The following CDC73 variants were observed in gnomAD, a reference collection of about 807,000 sequenced individuals.
The protein encoded by CDC73 is parafibromin.
In CDC73, 21 loss-of-function variants were observed where a neutral mutation model predicts 83.7. That is an observed-to-expected ratio of 0.25 (90% CI 0.18 to 0.36). The LOEUF (loss-of-function observed/expected upper bound fraction) is 0.36. Among genes scored for constraint, CDC73 ranks in the 10% least tolerant of loss-of-function variants. The probability of loss-of-function intolerance (pLI) is 1.00; values close to 1 mark genes in which losing one functional copy is unlikely to be tolerated. For synonymous variants in CDC73, 224 were observed against 212.9 expected (o/e 1.05, Z -0.45); for missense variants, 342 against 653.3 (o/e 0.52, Z 5.19).
chr1:193,127,592 T>C (rs1675601424), intron 2 of CDC73, among the ~76,000 whole-genome samples: 2 of 152,138 alleles, frequency 1.3e-5, no homozygotes, highest in Non-Finnish European at 2.9e-5. Context: ...GATAGTTGGC[T>C]TAGATTTATA....
chr1:193,179,308 G>A (rs1450358385), intron 10 of CDC73: 11 of 152,184 alleles, frequency 7.2e-5, no homozygotes, highest in Non-Finnish European at 1.0e-4. Flanking sequence ...TAAACTTCCC[G>A]TATGTTGCAT....
chr1:193,132,934 T>G (rs1272914202), intron 3 of CDC73, among the ~76,000 whole-genome samples: 36 of 146,272 alleles, frequency 2.5e-4, no homozygotes, highest in African/African-American at 9.1e-4. Flanking sequence ...GGAATCTTGC[T>G]CTGTCGCCCC....
chr1:193,205,545 A>G (rs1295499378), intron 11 of CDC73, among the ~76,000 whole-genome samples: 2 of 151,798 alleles, frequency 1.3e-5, no homozygotes, highest in African/African-American at 2.4e-5. Flanking sequence ...TTTGTTTGAC[A>G]GTAGGTTTGT....
intron 7 of CDC73, among the ~76,000 whole-genome samples, chr1:193,147,159 A>AT (rs1259651591): frequency 1.3e-5 from 2 of 151,642 alleles, no homozygotes; most frequent in African/African-American, 4.9e-5. Flanking sequence ...CGCCCAGCTA[A>AT]TTTTTTGTAG....
rs371241173 is a variant in CDC73 at position 193,173,266 on chromosome 1, C to G, written c.972+20822C>G. Among the ~76,000 whole-genome samples, 16 of 152,250 alleles carry G rather than the reference C, an allele frequency of 1.1e-4. No homozygotes were observed. In the East Asian group the frequency reaches 3.1e-3, roughly 29 times the overall value. ...TTAATTACTTAATTATAAAACATTT[C>G]TAACGTAAATATAATGAGAGAAAAT... is the stretch of plus-strand genomic sequence containing the variant. On this transcript the variant is annotated intron_variant, in intron 10 of 16. Transcript: ENST00000367435.
At chr1:193,235,780 C>T (rs1572217390) in intron 14 of CDC73, among the ~76,000 whole-genome samples, 1 of 152,070 alleles carries the variant, frequency 6.6e-6, no homozygotes. Context: ...TCAGATAAGG[C>T]CCTGGGACCT....
intron 14 of CDC73, among the ~76,000 whole-genome samples, chr1:193,235,309 C>G (rs940015014): frequency 6.6e-6 from 1 of 152,120 alleles, no homozygotes; most frequent in African/African-American, 2.4e-5. Context: ...CCAACATGCC[C>G]ATGCACTTGT....
At chr1:193,234,165 TCTCTCTCTCTCACACACACACACA>T (rs1268905275) in intron 14 of CDC73, among the ~76,000 whole-genome samples, 1 of 86,738 alleles carries the variant, frequency 1.2e-5, no homozygotes, top group Non-Finnish European at 2.3e-5. Flanking sequence ...TCTCTCTCTC[TCTCTCTCTCTCACACACACACACA>T]CACACACACA....
chr1:193,246,642 C>G (rs1001856789), intron 15 of CDC73, among the ~76,000 whole-genome samples: 1 of 152,036 alleles, frequency 6.6e-6, no homozygotes, highest in South Asian at 2.1e-4. Flanking sequence ...TCATTTCTTA[C>G]CAAATTTTGT....
At chr1:193,159,125 C>CT (rs1558291953) in intron 10 of CDC73, among the ~76,000 whole-genome samples, 1 of 151,928 alleles carries the variant, frequency 6.6e-6, no homozygotes, top group South Asian at 2.1e-4. Flanking sequence ...TTTTTTCCAA[C>CT]TTTTTTTGAC....
At chr1:193,188,682 A>G (rs967963894) in intron 10 of CDC73, among the ~76,000 whole-genome samples, 1 of 151,826 alleles carries the variant, frequency 6.6e-6, no homozygotes, top group African/African-American at 2.4e-5. Flanking sequence ...AGTTCTTTTG[A>G]TTGGATTTTT....
chr1:193,157,600 T>A lies in CDC73; in HGVS notation c.972+5156T>A, dbSNP rs141399735. ...CACATCCACCTGAGCAGGAGCTACCTCCTTTAGATAAGAGGTTTTCTCTAG... is the reference window on the plus strand; with the variant it reads ...CACATCCACCTGAGCAGGAGCTACCACCTTTAGATAAGAGGTTTTCTCTAG... On this transcript the variant is annotated intron_variant, in intron 10 of 16. Coordinates refer to ENST00000367435, the MANE Select transcript of CDC73 (RefSeq NM_024529.5). 1.6e-4 allele frequency among the ~76,000 whole-genome samples: 25 copies of A among 152,328 alleles called. No individual in the cohort carries two copies. The East Asian group carries it at 4.6e-3, about 28-fold the overall frequency.
chr1:193,134,307 C>T (rs1675748483), intron 3 of CDC73, among the ~76,000 whole-genome samples: 1 of 151,974 alleles, frequency 6.6e-6, no homozygotes, highest in Non-Finnish European at 1.5e-5. Flanking sequence ...TTGAACAGCT[C>T]ATCAACAGGG....
At chr1:193,125,238 T>G (rs772447536) in intron 2 of CDC73, 21 bp downstream of exon 2, 2 of 1,331,906 alleles carry the variant, frequency 1.5e-6, no homozygotes, top group Admixed American at 3.4e-5. Flanking sequence ...TTCATTTTAC[T>G]TATCTATCTA....
At chr1:193,219,051 TA>T (rs1415849907) in intron 13 of CDC73, among the ~76,000 whole-genome samples, 1 of 151,736 alleles carries the variant, frequency 6.6e-6, no homozygotes, top group African/African-American at 2.4e-5. Flanking sequence ...ACCTTAAGCA[TA>T]AAACAAACAG....
chr1:193,156,918 A>T (rs1385948678), intron 10 of CDC73, among the ~76,000 whole-genome samples: 1 of 152,180 alleles, frequency 6.6e-6, no homozygotes, highest in South Asian at 2.1e-4. Context: ...AGACGTGTTC[A>T]TACGGACTTT....
At chr1:193,147,794 A>T in intron 7 of CDC73, 73 bp from the exon 8 acceptor site, 1 of 834,046 alleles carries the variant, frequency 1.2e-6, no homozygotes, top group South Asian at 1.4e-5. Flanking sequence ...AAGATAACTT[A>T]GTCTTAAATT....
intron 10 of CDC73, among the ~76,000 whole-genome samples, chr1:193,165,937 G>A (rs1676427437): frequency 6.6e-6 from 1 of 152,148 alleles, no homozygotes; most frequent in Non-Finnish European, 1.5e-5. Context: ...TTCACTATGA[G>A]TTTTACATGT....
intron 10 of CDC73, among the ~76,000 whole-genome samples, chr1:193,188,444 A>ATT (rs968394642): frequency 6.9e-6 from 1 of 145,454 alleles, no homozygotes; most frequent in Non-Finnish European, 1.5e-5. Flanking sequence ...AAATTGTGGG[A>ATT]TTTTTTTTTT....
Sources: gnomAD v4.1 joint callset for allele counts (sites outside exome capture counted in the v4.1 genomes callset) on GRCh38, gnomAD v4.1.1 for gene constraint, MANE v1.5 for transcripts, NCBI Gene and HGNC (gene_info 2026-07-23, HGNC 2026-07-21) for gene names.